Variants in EXOC6B observed in about 807,000 individuals in gnomAD.
EXOC6B encodes the protein SEC15 homolog B.
A neutral mutation model predicts 113.5 loss-of-function variants in EXOC6B; 54 were observed. That is an observed-to-expected ratio of 0.48 (90% CI 0.38 to 0.60). EXOC6B has a LOEUF of 0.60. Ranked by LOEUF, EXOC6B falls within the 20% of genes least tolerant of loss-of-function variation. The probability of loss-of-function intolerance (pLI) is 0.00; values close to 1 mark genes in which losing one functional copy is unlikely to be tolerated. For missense variants in EXOC6B, 797 were observed against 977.5 expected, an observed-to-expected ratio of 0.82 and a Z score of 2.46; for synonymous variants, 357 against 339.0, an observed-to-expected ratio of 1.05 and a Z score of -0.58.
chr2:72,333,217 T>C (rs534095304), intron 20 of EXOC6B, among the ~76,000 whole-genome samples: 1 of 152,278 alleles, frequency 6.6e-6, no homozygotes, highest in African/African-American at 2.4e-5. Flanking sequence ...ATGACAGTGC[T>C]CACTGAGAGC....
At chr2:72,442,745 A>G (rs1332209349) in intron 18 of EXOC6B, among the ~76,000 whole-genome samples, 1 of 152,198 alleles carries the variant, frequency 6.6e-6, no homozygotes, top group Non-Finnish European at 1.5e-5. Context: ...CAGAGAACAC[A>G]AATACATTTT....
At chr2:72,367,966 T>C (rs1690743115) in intron 19 of EXOC6B, among the ~76,000 whole-genome samples, 2 of 152,092 alleles carry the variant, frequency 1.3e-5, no homozygotes, top group African/African-American at 4.8e-5. Flanking sequence ...AAAGACAGTC[T>C]AGAACACAAG....
chr2:72,819,829 T>C (rs1305671442), intron 1 of EXOC6B, among the ~76,000 whole-genome samples: 1 of 152,200 alleles, frequency 6.6e-6, no homozygotes, highest in Non-Finnish European at 1.5e-5. Context: ...GCTTGGTACC[T>C]TGCATTGTAC....
chr2:72,247,398 T>C lies in EXOC6B; in HGVS notation c.2197-63211A>G, dbSNP rs187198595. On this transcript the variant is annotated intron_variant, in intron 20 of 21. Coordinates refer to ENST00000272427, the MANE Select transcript of EXOC6B (RefSeq NM_015189.3). Reference sequence around the variant, plus strand: ...ATACCTAAAGTAGTAGGGGAATGAATTCAGCAGAGGCTACTGCCCAAGAGA... The same window carrying C: ...ATACCTAAAGTAGTAGGGGAATGAACTCAGCAGAGGCTACTGCCCAAGAGA... Among the ~76,000 whole-genome samples the C allele has an allele frequency of 2.8e-3, 434 of 152,308 alleles. 4 individuals are homozygous for C. The highest frequency in any genetic ancestry group is 2.5e-3 in the Non-Finnish European group (167 of 68,024).
chr2:72,440,159 T>C (rs941046725), intron 18 of EXOC6B, among the ~76,000 whole-genome samples: 2 of 152,176 alleles, frequency 1.3e-5, no homozygotes, highest in African/African-American at 2.4e-5. Flanking sequence ...AGAAATAGGA[T>C]TGGGGACCTG....
At chr2:72,562,016 A>G (rs371764011) in intron 7 of EXOC6B, among the ~76,000 whole-genome samples, 1 of 152,156 alleles carries the variant, frequency 6.6e-6, no homozygotes, top group East Asian at 1.9e-4. Context: ...CTCCCAAAAT[A>G]GCCTAATATT....
At chr2:72,401,526 T>C (rs201229737) in intron 18 of EXOC6B, among the ~76,000 whole-genome samples, 120 of 3,960 alleles carry the variant, frequency 0.03, 5 homozygotes, top group Admixed American at 0.2. Context: ...CATATATACA[T>C]ATATATATAT....
intron 1 of EXOC6B, among the ~76,000 whole-genome samples, chr2:72,787,234 CAG>C (rs1684426454): frequency 6.6e-6 from 1 of 151,364 alleles, no homozygotes; most frequent in African/African-American, 2.4e-5. Context: ...TTTTTCGAGA[CAG>C]AGTCTCACTC....
At chr2:72,581,449 T>C (rs1051220953) in intron 6 of EXOC6B, among the ~76,000 whole-genome samples, 2 of 152,232 alleles carry the variant, frequency 1.3e-5, no homozygotes, top group Admixed American at 6.5e-5. Context: ...GTGTGTTTCA[T>C]GTGATATTTT....
intron 13 of EXOC6B, 47 bp downstream of exon 13, chr2:72,498,406 AC>A (rs1700148752): frequency 1.5e-6 from 2 of 1,322,802 alleles, no homozygotes; most frequent in East Asian, 4.7e-5. Flanking sequence ...ATGTGTGTAC[AC>A]TAATGTACAT....
At chr2:72,223,461 A>C (rs2096668467) in intron 20 of EXOC6B, among the ~76,000 whole-genome samples, 1 of 152,212 alleles carries the variant, frequency 6.6e-6, no homozygotes, top group Admixed American at 6.5e-5. Flanking sequence ...CAGAAGGGTT[A>C]GCATCTCTGA....
chr2:72,217,855 A>T (rs1188189402), intron 20 of EXOC6B, among the ~76,000 whole-genome samples: 1 of 152,170 alleles, frequency 6.6e-6, no homozygotes, highest in Non-Finnish European at 1.5e-5. Flanking sequence ...CTTGGACAGG[A>T]CCTAGCATAT....
chr2:72,202,630 T>A (rs376359535), intron 20 of EXOC6B, among the ~76,000 whole-genome samples: 118 of 149,886 alleles, frequency 7.9e-4, no homozygotes, highest in African/African-American at 2.7e-3. Context: ...ATGAGCAAGC[T>A]GTGGGAGAAA....
intron 20 of EXOC6B, among the ~76,000 whole-genome samples, chr2:72,233,443 A>G (rs957328903): frequency 1.3e-5 from 2 of 152,096 alleles, no homozygotes; most frequent in Non-Finnish European, 2.9e-5. Context: ...CCTCTCCAAC[A>G]TGGGAAAGGG....
chr2:72,815,529 T>C (rs920261226), intron 1 of EXOC6B, among the ~76,000 whole-genome samples: 1 of 149,960 alleles, frequency 6.7e-6, no homozygotes, highest in African/African-American at 2.4e-5. Context: ...ATCCCCCTTA[T>C]AGAAAAATAA....
At chr2:72,649,889 T>C (rs188301082) in intron 6 of EXOC6B, among the ~76,000 whole-genome samples, 67 of 152,092 alleles carry the variant, frequency 4.4e-4, no homozygotes, top group Non-Finnish European at 2.2e-4. Context: ...TGAACCTCAA[T>C]CTAAACTTCA....
At chr2:72,729,598 G>GT in intron 5 of EXOC6B, among the ~76,000 whole-genome samples, 1 of 151,308 alleles carries the variant, frequency 6.6e-6, no homozygotes, top group East Asian at 1.9e-4. Context: ...TCCTTTTTTT[G>GT]TTTTTTAGTA....
At chr2:72,726,576 A>T (rs952586677) in intron 5 of EXOC6B, among the ~76,000 whole-genome samples, 8 of 152,176 alleles carry the variant, frequency 5.3e-5, no homozygotes, top group Admixed American at 5.2e-4. Flanking sequence ...TTAATTTTTA[A>T]ATTTCTTTAA....
At chr2:72,259,887 C>T (rs762751224) in intron 20 of EXOC6B, among the ~76,000 whole-genome samples, 1 of 151,734 alleles carries the variant, frequency 6.6e-6, no homozygotes, top group Non-Finnish European at 1.5e-5. Flanking sequence ...CCTGTCTCTA[C>T]AAAAAAATAC....
Sources: allele counts gnomAD v4.1 joint callset (sites outside exome capture counted in the v4.1 genomes callset), GRCh38; gene constraint gnomAD v4.1.1; transcripts MANE v1.5; gene names NCBI Gene and HGNC (gene_info 2026-07-23, HGNC 2026-07-21).